Variants in IQCJ observed in about 807,000 individuals in gnomAD.
IQCJ encodes IQ domain-containing protein J.
In IQCJ, 9 loss-of-function variants were observed where a neutral mutation model predicts 11.0. The observed-to-expected ratio is 0.82, with a 90% CI of 0.49 to 1.43. The LOEUF is 1.43. Ranked by LOEUF, IQCJ falls within the 40% of genes most tolerant of loss-of-function variation. The pLI, the probability that IQCJ is intolerant of heterozygous loss-of-function variation, is 0.00. For synonymous variants in IQCJ, 55 were observed against 51.3 expected (o/e 1.07, Z -0.31); for missense variants, 146 against 133.2 (o/e 1.10, Z -0.47).
rs201263425 is a variant in IQCJ at position 159,078,517 on chromosome 3, A to G, written c.9+9076A>G. On this transcript the variant is annotated intron_variant, in intron 1 of 3. Coordinates refer to ENST00000397832, the MANE Select transcript of IQCJ (RefSeq NM_001042706.3). ...TCAGCATGGAGCTGAACACAGAAGGACTCTTGGCTGTGTCTTGGCCCACCC... is the reference window on the plus strand; with the variant it reads ...TCAGCATGGAGCTGAACACAGAAGGGCTCTTGGCTGTGTCTTGGCCCACCC... Among the ~76,000 whole-genome samples, 15 of 148,330 alleles carry G rather than the reference A, an allele frequency of 1.0e-4. No homozygotes were observed. In the East Asian group the frequency reaches 3.0e-3, roughly 30 times the overall value.
chr3:159,221,583 C>T (rs1216329764), intron 1 of IQCJ, among the ~76,000 whole-genome samples: 1 of 152,074 alleles, frequency 6.6e-6, no homozygotes, highest in African/African-American at 2.4e-5. Flanking sequence ...ATATTCTGCT[C>T]AGCATCTCAG....
chr3:159,120,505 G>A (rs1719304051), intron 1 of IQCJ, among the ~76,000 whole-genome samples: 1 of 152,112 alleles, frequency 6.6e-6, no homozygotes, highest in South Asian at 2.1e-4. Context: ...TTTTCCATTG[G>A]CTAGAACTCA....
intron 3 of IQCJ, 48 bp from the exon 4 acceptor site, chr3:159,262,500 A>G: frequency 6.3e-7 from 1 of 1,592,082 alleles, no homozygotes; most frequent in Non-Finnish European, 8.6e-7. Context: ...ACCATGATCC[A>G]ACAGTAATCA....
chr3:159,084,061 C>T (rs1038017112), intron 1 of IQCJ, among the ~76,000 whole-genome samples: 24 of 151,860 alleles, frequency 1.6e-4, no homozygotes, highest in African/African-American at 4.6e-4. Context: ...ATATACAGTG[C>T]GTGTAAAACT....
At chr3:159,071,013 T>C (rs533440810) in intron 1 of IQCJ, among the ~76,000 whole-genome samples, 1 of 152,144 alleles carries the variant, frequency 6.6e-6, no homozygotes, top group East Asian at 1.9e-4. Flanking sequence ...AGTAAAATAG[T>C]TGACTGAGTT....
At chr3:159,234,276 G>A (rs1442070574) in intron 1 of IQCJ, among the ~76,000 whole-genome samples, 1 of 152,180 alleles carries the variant, frequency 6.6e-6, no homozygotes, top group African/African-American at 2.4e-5. Flanking sequence ...CATGCCTGGA[G>A]CCTAGTAAAA....
At chr3:159,237,343 A>C (rs1577104244) in intron 1 of IQCJ, among the ~76,000 whole-genome samples, 1 of 152,354 alleles carries the variant, frequency 6.6e-6, no homozygotes, top group South Asian at 2.1e-4. Context: ...GAGCTGACTA[A>C]GCAGCCACAG....
At chr3:159,079,743 T>G (rs1251480963) in intron 1 of IQCJ, among the ~76,000 whole-genome samples, 1 of 152,112 alleles carries the variant, frequency 6.6e-6, no homozygotes, top group Non-Finnish European at 1.5e-5. Context: ...TCATTTTCAA[T>G]GGTTGCTTAG....
rs532894581 is a variant in IQCJ, at chr3:159,247,500, A to C, written c.74+1593A>C. Among the ~76,000 whole-genome samples, 18 of 152,338 alleles carry C rather than the reference A, an allele frequency of 1.2e-4. No homozygotes were observed. The South Asian group carries it at 3.7e-3, about 32-fold the overall frequency. On this transcript the variant is annotated intron_variant, in intron 2 of 3. Coordinates refer to ENST00000397832, the MANE Select transcript of IQCJ (RefSeq NM_001042706.3). ...ATGAAGAATGGACAGCCCTGTAGAA[A>C]TGTGATTGGACAAAAAGGAAGGATC...
At chr3:159,195,772 A>G (rs1408685669) in intron 1 of IQCJ, among the ~76,000 whole-genome samples, 1 of 152,218 alleles carries the variant, frequency 6.6e-6, no homozygotes, top group Non-Finnish European at 1.5e-5. Flanking sequence ...TTGAAGGTCT[A>G]TCAGACCATC....
intron 1 of IQCJ, among the ~76,000 whole-genome samples, chr3:159,167,049 A>T (rs1221927658): frequency 6.6e-6 from 1 of 152,220 alleles, no homozygotes; most frequent in Non-Finnish European, 1.5e-5. Context: ...CAAGGCTGCC[A>T]TTGATCAAAC....
At chr3:159,070,689 A>C (rs537617896) in intron 1 of IQCJ, among the ~76,000 whole-genome samples, 1 of 152,244 alleles carries the variant, frequency 6.6e-6, no homozygotes, top group South Asian at 2.1e-4. Context: ...GTAGCAAGTC[A>C]AATAGCATTC....
intron 1 of IQCJ, among the ~76,000 whole-genome samples, chr3:159,139,189 T>A (rs1201939223): frequency 1.3e-5 from 2 of 152,230 alleles, no homozygotes; most frequent in African/African-American, 2.4e-5. Flanking sequence ...GATGTTAGAT[T>A]TTATTTACAT....
intron 1 of IQCJ, among the ~76,000 whole-genome samples, chr3:159,168,712 G>A (rs1242800619): frequency 6.6e-6 from 1 of 151,938 alleles, no homozygotes; most frequent in Non-Finnish European, 1.5e-5. Context: ...GTGATGATGA[G>A]TACTAGTATA....
downstream of IQCJ, chr3:159,265,210 A>G: frequency 6.2e-7 from 1 of 1,612,682 alleles, no homozygotes; most frequent in Non-Finnish European, 8.5e-7. Flanking sequence ...TGCTGTGATC[A>G]TCAGTTTGCC....
chr3:159,236,626 A>G (rs1272335652), intron 1 of IQCJ, among the ~76,000 whole-genome samples: 1 of 152,180 alleles, frequency 6.6e-6, no homozygotes, highest in Non-Finnish European at 1.5e-5. Context: ...GTCACCAGGG[A>G]GCATCATTTA....
intron 1 of IQCJ, among the ~76,000 whole-genome samples, chr3:159,221,524 TAC>T: frequency 6.6e-6 from 1 of 152,248 alleles, no homozygotes; most frequent in African/African-American, 2.4e-5. Context: ...GATAAATTAC[TAC>T]AATTTTCTTT....
At chr3:159,102,048 C>T (rs1321821711) in intron 1 of IQCJ, among the ~76,000 whole-genome samples, 2 of 152,180 alleles carry the variant, frequency 1.3e-5, no homozygotes. Flanking sequence ...TGTATTTTCT[C>T]TTGCTCTTTC....
chr3:159,096,547 GT>G (rs1396553560), intron 1 of IQCJ, among the ~76,000 whole-genome samples: 1 of 55,542 alleles, frequency 1.8e-5, no homozygotes, highest in African/African-American at 8.0e-5. Flanking sequence ...TTTGTATAAG[GT>G]GTAAGGAAGG....
Sources: allele counts gnomAD v4.1 joint callset (sites outside exome capture counted in the v4.1 genomes callset), GRCh38; gene constraint gnomAD v4.1.1; transcripts MANE v1.5; gene names NCBI Gene and HGNC (gene_info 2026-07-23, HGNC 2026-07-21).